The following GALNS variants were observed in gnomAD, a reference collection of about 807,000 sequenced individuals.
GALNS encodes N-acetylgalactosamine-6-sulfatase.
Under a neutral mutation model 65.9 loss-of-function variants are expected in GALNS, and 65 were observed. The ratio of observed to expected loss-of-function variants is 0.99; its 90% CI spans 0.81 to 1.21. The LOEUF is 1.21. Among genes scored for constraint, GALNS ranks in the 50% most tolerant of loss-of-function variants. GALNS has a pLI of 0.00. For synonymous variants in GALNS, 346 were observed against 288.9 expected (o/e 1.20, Z -2.00); for missense variants, 776 against 700.7 (o/e 1.11, Z -1.21).
rs953756252 is a variant in GALNS at position 88,856,235 on chromosome 16, G to A, written c.120+523C>T. On this transcript the variant is annotated intron_variant, in intron 1 of 13. Transcript: ENST00000268695. The stretch of plus-strand genomic sequence containing the variant: ...CGCTCAGCATTCTCCAGAGGACAGA[G>A]ACAGCCGTCAGGTAAGACTGGAGCC... The A allele has an allele frequency of 8.5e-6, 6 of 702,944 alleles. 1 individual carries two copies. In the Middle Eastern group the frequency reaches 9.1e-4, roughly 107 times the overall value. The allele number at this position is 702,944 out of a possible 1,614,324, so 43.5% of individuals were successfully genotyped here. A position where few individuals can be genotyped will look rare whatever the true frequency, so the allele number is the denominator to read the frequency against.
At chr16:88,853,251 CAAA>C (rs34618279) in intron 1 of GALNS, among the ~76,000 whole-genome samples, 2,937 of 64,224 alleles carry the variant, frequency 0.046, 10 homozygotes, top group Non-Finnish European at 0.069. Flanking sequence ...GACTCCATCT[CAAA>C]AAAAAAAAAA....
chr16:88,855,881 C>T (rs952497025), intron 1 of GALNS: 1 of 513,212 alleles, frequency 1.9e-6, no homozygotes, highest in African/African-American at 1.9e-5. Flanking sequence ...CACCGACGGC[C>T]CAAAACTGTC....
At chr16:88,828,375 T>C (rs938999338) in intron 9 of GALNS, among the ~76,000 whole-genome samples, 1 of 152,118 alleles carries the variant, frequency 6.6e-6, no homozygotes, top group Non-Finnish European at 1.5e-5. Context: ...CATCCAGAAA[T>C]GCAGTGGGCA....
intron 5 of GALNS, among the ~76,000 whole-genome samples, chr16:88,836,501 A>G (rs977593369): frequency 6.6e-6 from 1 of 152,168 alleles, no homozygotes; most frequent in Non-Finnish European, 1.5e-5. Context: ...TAAAAATACA[A>G]AAATTAGCTG....
intron 1 of GALNS, chr16:88,855,377 C>T (rs1245494482): frequency 8.5e-6 from 6 of 702,486 alleles, no homozygotes; most frequent in South Asian, 5.9e-5. Flanking sequence ...TACACTGGCC[C>T]AGAGGAACTT....
At chr16:88,852,790 T>C (rs1297029167) in intron 1 of GALNS, among the ~76,000 whole-genome samples, 1 of 152,190 alleles carries the variant, frequency 6.6e-6, no homozygotes, top group Non-Finnish European at 1.5e-5. Context: ...GTATCAGTGA[T>C]TGAAGATCAA....
intron 1 of GALNS, chr16:88,844,684 A>T (rs1207975394): frequency 6.6e-6 from 1 of 152,272 alleles, no homozygotes. Flanking sequence ...TTCTAAACAC[A>T]ACGACCAAGT....
chr16:88,837,761 G>A lies in GALNS; in HGVS notation c.427C>T (p.Leu143=), dbSNP rs1912293650. The A allele has an allele frequency of 6.2e-7, 1 of 1,613,968 alleles. No homozygotes were observed. The highest frequency in any genetic ancestry group is 1.3e-5 in the African/African-American group (1 of 75,048). Residue 143 remains leucine (L), a synonymous_variant, in exon 5 of 14, where the codon CTG becomes TTG. Transcript: ENST00000268695. ...YVSKIVGKWH[L]GHRPQFHPLK... ...GGGTGGAACTGGGGCCTGTGACCCA[G>A]ATGCCTGGAAACAGGAACCCAGGAC...
Position 88,823,760 on chromosome 16 carries a change from C to T in GALNS, c.1242+1007G>A, listed in dbSNP as rs576444475. Among the ~76,000 whole-genome samples the T allele has an allele frequency of 5.7e-3, 787 of 139,232 alleles. 24 individuals carry two copies. The highest frequency in any genetic ancestry group is 0.02 in the African/African-American group (733 of 35,800). The allele number at this position is 139,232 out of a possible 152,430, so 91.3% of individuals were successfully genotyped here. A position where few individuals can be genotyped will look rare whatever the true frequency, so the allele number is the denominator to read the frequency against. The stretch of plus-strand genomic sequence containing the variant: ...AATGCCCGGGGAACGATGCCCAGGA[C>T]GGCCCTCGCAGGCGGCAATGCCCGG... On this transcript the variant is annotated intron_variant, in intron 11 of 13. Transcript: ENST00000268695.
chr16:88,855,729 C>T (rs1967802584), intron 1 of GALNS: 1 of 573,660 alleles, frequency 1.7e-6, no homozygotes, highest in Non-Finnish European at 3.1e-6. Context: ...GTATTTTACA[C>T]TACCAGCACC....
intron 10 of GALNS, 107 bp from the exon 11 acceptor site, chr16:88,824,976 G>A (rs1396495271): frequency 5.8e-6 from 5 of 861,296 alleles, no homozygotes; most frequent in African/African-American, 3.3e-5. Flanking sequence ...TCCACGTGAG[G>A]TCTTGGTTGA....
At chr16:88,816,656 C>G (rs957231539) in intron 13 of GALNS, 1 of 985,254 alleles carries the variant, frequency 1.0e-6, no homozygotes, top group East Asian at 1.1e-4. Flanking sequence ...TCCCGATGGC[C>G]GGTGCTCTCC....
intron 8 of GALNS, among the ~76,000 whole-genome samples, chr16:88,832,670 T>TG (rs1277379006): frequency 6.6e-6 from 1 of 151,690 alleles, no homozygotes; most frequent in Non-Finnish European, 1.5e-5. Context: ...AAGAAGGGGG[T>TG]GGGGGGCCCA....
rs542397409 is a variant in GALNS at position 88,827,263 on chromosome 16, G to T, written c.1003-425C>A. On this transcript the variant is annotated intron_variant, in intron 9 of 13. Coordinates refer to ENST00000268695, the MANE Select transcript of GALNS (RefSeq NM_000512.5). ...CAGATGTGGAGGGGCAGCTGAGGCTGGACAGGAGCAGCTCCGAGTGGCTGG... is the reference window on the plus strand; with the variant it reads ...CAGATGTGGAGGGGCAGCTGAGGCTTGACAGGAGCAGCTCCGAGTGGCTGG... 17 of 252,728 alleles carry T rather than the reference G, an allele frequency of 6.7e-5. No individual in the cohort carries two copies. In the South Asian group the frequency reaches 7.9e-4, roughly 12 times the overall value. 15.7% of individuals were successfully genotyped at this position (252,728 alleles called of 1,614,324 possible).
At chr16:88,835,377 C>G (rs1009185150) in intron 7 of GALNS, 25 bp from the exon 8 acceptor site, 1 of 1,613,098 alleles carries the variant, frequency 6.2e-7, no homozygotes, top group Admixed American at 1.7e-5. Flanking sequence ...CAAAAGGCAT[C>G]TCCATACCTG....
chr16:88,817,421 T>C, intron 13 of GALNS: 1 of 984,816 alleles, frequency 1.0e-6, no homozygotes, highest in Non-Finnish European at 1.2e-6. Flanking sequence ...TGGGTGCCTA[T>C]GAGTGAGATC....
chr16:88,826,999 C>T lies in GALNS; in HGVS notation c.1003-161G>A. On this transcript the variant is annotated intron_variant, in intron 9 of 13. Transcript: ENST00000268695. ...CAGGGACTGAGCGGGGTCACAAGGC[C>T]TGTGAGAGACAGAGGAGCCTCAAAC... 4.7e-6 allele frequency: 4 copies of T among 856,102 alleles called. No homozygotes were observed. The South Asian group carries it at 6.3e-5, about 14-fold the overall frequency. The allele number at this position is 856,102 out of a possible 1,614,324, so 53.0% of individuals were successfully genotyped here. A position where few individuals can be genotyped will look rare whatever the true frequency, so the allele number is the denominator to read the frequency against.
rs901150632 is a variant in GALNS at position 88,816,481 on chromosome 16, C to T, written c.1482+1526G>A. 11 of 985,048 alleles carry T rather than the reference C, an allele frequency of 1.1e-5. No homozygotes were observed. In the African/African-American group the frequency reaches 1.6e-4, roughly 14 times the overall value. The allele number at this position is 985,048 out of a possible 1,614,324, so 61.0% of individuals were successfully genotyped here. On this transcript the variant is annotated intron_variant, in intron 13 of 13. Coordinates refer to ENST00000268695, the MANE Select transcript of GALNS (RefSeq NM_000512.5). ...TGCCCAGGTCCCTTTGAAGGAAGGG[C>T]CCTGAATATCTTCCTATGAAACTTG...
Position 88,842,782 on chromosome 16 carries a change from G to T in GALNS, c.168C>A (p.Thr56=), listed in dbSNP as rs368128023. 6.2e-7 allele frequency: 1 copy of T among 1,613,320 alleles called. No individual in the cohort carries two copies. The highest frequency in any genetic ancestry group is 1.3e-5 in the African/African-American group (1 of 75,056). Residue 56 remains threonine (T), a synonymous_variant, in exon 2 of 14, where the codon ACC becomes ACA. Coordinates refer to ENST00000268695, the MANE Select transcript of GALNS (RefSeq NM_000512.5). The part of the protein sequence containing the change: ...LGVYGEPSRE[T]PNLDRMAAEG... ...CTGCAGCCATCCGGTCCAAATTCGG[G>T]GTCTCTCTGGAGGGCTCTCCATACA...
Sources: gnomAD v4.1 joint callset for allele counts (sites outside exome capture counted in the v4.1 genomes callset) on GRCh38, gnomAD v4.1.1 for gene constraint, MANE v1.5 for transcripts, NCBI Gene and HGNC (gene_info 2026-07-23, HGNC 2026-07-21) for gene names.